Variants in DAP observed in about 807,000 individuals in gnomAD.
DAP encodes death associated protein.
A neutral mutation model predicts 13.8 loss-of-function variants in DAP; 8 were observed. The ratio of observed to expected loss-of-function variants is 0.58; its 90% CI spans 0.34 to 1.05. DAP has a LOEUF of 1.05. DAP is among the 50% of genes least tolerant of loss of function. The pLI is 0.03. For synonymous variants in DAP, 47 were observed against 47.5 expected, an observed-to-expected ratio of 0.99 and a Z score of 0.04; for missense variants, 106 against 133.2, an observed-to-expected ratio of 0.80 and a Z score of 1.01.
chr5:10,682,215 T>A (rs1249443079), intron 3 of DAP, among the ~76,000 whole-genome samples: 1 of 148,688 alleles, frequency 6.7e-6, no homozygotes, highest in Non-Finnish European at 1.5e-5. Flanking sequence ...GCAGGAAGCA[T>A]GGGGTTTGTA....
At chr5:10,699,681 G>A (rs963696451) in intron 2 of DAP, among the ~76,000 whole-genome samples, 4 of 152,230 alleles carry the variant, frequency 2.6e-5, no homozygotes, top group African/African-American at 9.6e-5. Context: ...CTGAGGACAT[G>A]CAGGGAACCA....
intron 2 of DAP, among the ~76,000 whole-genome samples, chr5:10,732,812 T>A (rs1158797193): frequency 6.6e-6 from 1 of 152,244 alleles, no homozygotes; most frequent in East Asian, 1.9e-4. Context: ...GTTAAAACAC[T>A]TATCACAAAA....
chr5:10,680,502 G>GT lies in DAP; in HGVS notation c.*553dup, dbSNP rs1268005576. 4 of 557,702 alleles carry GT rather than the reference G, an allele frequency of 7.2e-6. No individual in the cohort carries two copies. The highest frequency in any genetic ancestry group is 9.4e-6 in the Non-Finnish European group (3 of 317,940). 34.5% of individuals were successfully genotyped at this position (557,702 alleles called of 1,614,324 possible). ...CATGCTTTTTCGGCTTTTCTCATGG[G>GT]TGCCTCATCAGCCTGCACAGGATCC... On this transcript the variant is annotated 3_prime_UTR_variant, in exon 4 of 4. Coordinates refer to ENST00000230895, the MANE Select transcript of DAP (RefSeq NM_004394.3).
At chr5:10,714,111 AC>A in intron 2 of DAP, among the ~76,000 whole-genome samples, 1 of 152,322 alleles carries the variant, frequency 6.6e-6, no homozygotes, top group Admixed American at 6.5e-5. Context: ...ATATGTTTTG[AC>A]GTAACACAGA....
intron 2 of DAP, among the ~76,000 whole-genome samples, chr5:10,731,165 T>G (rs1273498806): frequency 1.5e-4 from 14 of 93,016 alleles, no homozygotes; most frequent in African/African-American, 6.4e-4. Flanking sequence ...AGAGCCCTAG[T>G]GAGGGGGAAT....
At chr5:10,759,118 C>T (rs768589540) in intron 1 of DAP, among the ~76,000 whole-genome samples, 5 of 149,968 alleles carry the variant, frequency 3.3e-5, no homozygotes, top group African/African-American at 1.2e-4. Context: ...ACCTAGAAGG[C>T]GGAGGTTGCA....
intron 2 of DAP, among the ~76,000 whole-genome samples, chr5:10,719,284 G>A (rs2126657459): frequency 6.6e-6 from 1 of 152,278 alleles, no homozygotes; most frequent in Admixed American, 6.5e-5. Context: ...GCTTTGAGTG[G>A]GGTCCAGAAC....
At chr5:10,747,071 T>C (rs1739925437) in intron 2 of DAP, among the ~76,000 whole-genome samples, 1 of 152,208 alleles carries the variant, frequency 6.6e-6, no homozygotes, top group South Asian at 2.1e-4. Context: ...TCAGGACTGC[T>C]GGAATGAAAT....
At chr5:10,696,514 T>G (rs570806522) in intron 2 of DAP, among the ~76,000 whole-genome samples, 1 of 152,336 alleles carries the variant, frequency 6.6e-6, no homozygotes, top group Admixed American at 6.5e-5. Flanking sequence ...GAGCAGCCTC[T>G]CAAAGCCTCA....
intron 2 of DAP, among the ~76,000 whole-genome samples, chr5:10,746,491 G>C (rs1739909627): frequency 6.6e-6 from 1 of 151,956 alleles, no homozygotes; most frequent in African/African-American, 2.4e-5. Context: ...CACCACACCT[G>C]ACTGATTTTT....
At chr5:10,718,546 G>A (rs1006777492) in intron 2 of DAP, among the ~76,000 whole-genome samples, 6 of 152,212 alleles carry the variant, frequency 3.9e-5, no homozygotes, top group African/African-American at 1.2e-4. Flanking sequence ...CTTGAAAGAC[G>A]CAGGGGTGGT....
chr5:10,733,196 G>GTGTGTGTGTGTA, intron 2 of DAP, among the ~76,000 whole-genome samples: 1 of 122,882 alleles, frequency 8.1e-6, no homozygotes, highest in African/African-American at 3.0e-5. Flanking sequence ...GTGTGTGTGT[G>GTGTGTGTGTGTA]TGTGTGTGTG....
chr5:10,729,405 C>A lies in DAP; in HGVS notation c.152+18770G>T, dbSNP rs1739380194. 2.0e-5 allele frequency among the ~76,000 whole-genome samples: 3 copies of A among 152,180 alleles called. No homozygotes were observed. The South Asian group carries it at 6.2e-4, about 32-fold the overall frequency. ...TTTCCTACCTCCCACGATGCTCCCC[C>A]AAAAAGTAAACAGCAATTACTTCTC... On this transcript the variant is annotated intron_variant, in intron 2 of 3. Coordinates refer to ENST00000230895, the MANE Select transcript of DAP (RefSeq NM_004394.3).
chr5:10,711,015 G>C (rs1401149016), intron 2 of DAP, among the ~76,000 whole-genome samples: 1 of 152,170 alleles, frequency 6.6e-6, no homozygotes, highest in Non-Finnish European at 1.5e-5. Context: ...AAGAGAAAAG[G>C]CAGTGCAGCT....
intron 2 of DAP, among the ~76,000 whole-genome samples, chr5:10,704,074 G>A (rs1208367673): frequency 1.3e-5 from 2 of 152,184 alleles, no homozygotes; most frequent in Non-Finnish European, 2.9e-5. Context: ...ATCTCCACAG[G>A]TGCCTTTGTA....
At chr5:10,710,280 C>G (rs1480725652) in intron 2 of DAP, among the ~76,000 whole-genome samples, 1 of 152,208 alleles carries the variant, frequency 6.6e-6, no homozygotes, top group Admixed American at 6.5e-5. Context: ...CCTGAAAAGT[C>G]CTGTAAACGG....
intron 2 of DAP, among the ~76,000 whole-genome samples, chr5:10,710,135 G>C (rs3776421): frequency 6.6e-6 from 1 of 152,054 alleles, no homozygotes; most frequent in Non-Finnish European, 1.5e-5. Flanking sequence ...CTCAGCAAAC[G>C]ACCCCTCCCC....
intron 2 of DAP, 30 bp from the exon 3 acceptor site, chr5:10,683,601 T>G: frequency 6.2e-7 from 1 of 1,610,302 alleles, no homozygotes; most frequent in Middle Eastern, 1.7e-4. Flanking sequence ...AAGGCAGATT[T>G]AACAAAACAG....
intron 2 of DAP, among the ~76,000 whole-genome samples, chr5:10,743,899 A>AT (rs1739832805): frequency 1.3e-5 from 2 of 152,032 alleles, no homozygotes; most frequent in African/African-American, 4.8e-5. Flanking sequence ...TTTTGGCTAT[A>AT]TTTTTTTTAA....
Sources: allele counts gnomAD v4.1 joint callset (sites outside exome capture counted in the v4.1 genomes callset), GRCh38; gene constraint gnomAD v4.1.1; transcripts MANE v1.5; gene names NCBI Gene and HGNC (gene_info 2026-07-23, HGNC 2026-07-21).